Variants in HYCC1 observed in about 807,000 individuals in gnomAD.
The protein encoded by HYCC1 is hyccin.
the HYCC1 span, among the ~76,000 whole-genome samples, chr7:22,912,582 G>GCTC: frequency 2.0e-5 from 3 of 152,204 alleles, no homozygotes; most frequent in Non-Finnish European, 4.4e-5. Flanking sequence ...AAGTTAGCAA[G>GCTC]GAGAGGGAAG....
At chr7:22,908,944 T>C in the HYCC1 span, among the ~76,000 whole-genome samples, 1 of 152,132 alleles carries the variant, frequency 6.6e-6, no homozygotes, top group African/African-American at 2.4e-5. Context: ...CAATAAAAAC[T>C]CTGTGCATTA....
the HYCC1 span, among the ~76,000 whole-genome samples, chr7:22,991,518 G>T: frequency 1.3e-5 from 2 of 152,022 alleles, no homozygotes; most frequent in South Asian, 4.1e-4. Context: ...ATCCAAAATT[G>T]ACTTTATAGA....
the HYCC1 span, among the ~76,000 whole-genome samples, chr7:22,920,800 A>AT: frequency 6.6e-6 from 1 of 152,124 alleles, no homozygotes; most frequent in East Asian, 1.9e-4. Flanking sequence ...GTGATTCTCA[A>AT]TGTTGGAGGT....
the HYCC1 span, among the ~76,000 whole-genome samples, chr7:22,972,720 T>A: frequency 9.4e-4 from 143 of 152,326 alleles, 4 homozygotes; most frequent in East Asian, 0.025. Flanking sequence ...TCAGTTTAGC[T>A]CTTGCTTGCT....
the HYCC1 span, among the ~76,000 whole-genome samples, chr7:22,928,202 A>G: frequency 2.0e-5 from 3 of 152,208 alleles, no homozygotes; most frequent in African/African-American, 7.2e-5. Flanking sequence ...AATAAGAGCT[A>G]TCTATGACAA....
chr7:22,940,117 A>G, the HYCC1 span: 9 of 152,072 alleles, frequency 5.9e-5, no homozygotes, highest in Non-Finnish European at 1.2e-4. Context: ...CCCTTCTAAG[A>G]GTAGTTAAGA....
chr7:22,964,016 A>G, the HYCC1 span, among the ~76,000 whole-genome samples: 3 of 152,138 alleles, frequency 2.0e-5, no homozygotes, highest in African/African-American at 7.2e-5. Context: ...ACTATTTCTA[A>G]TCAAAGAGGC....
chr7:22,942,319 T>C, the HYCC1 span: 1 of 152,306 alleles, frequency 6.6e-6, no homozygotes, highest in South Asian at 2.1e-4. Context: ...ATCATTTAAA[T>C]GCCGAGAATT....
chr7:22,904,586 C>G, the HYCC1 span, among the ~76,000 whole-genome samples: 1 of 151,666 alleles, frequency 6.6e-6, no homozygotes, highest in South Asian at 2.1e-4. Context: ...ATATTTTATA[C>G]AAGTCACCAT....
chr7:22,990,981 A>C, the HYCC1 span: 2 of 946,328 alleles, frequency 2.1e-6, no homozygotes, highest in Non-Finnish European at 3.5e-6. Flanking sequence ...AGTCATATAA[A>C]ATACAAAAAT....
the HYCC1 span, among the ~76,000 whole-genome samples, chr7:22,955,565 CA>C: frequency 3.3e-3 from 506 of 151,644 alleles, 2 homozygotes; most frequent in African/African-American, 0.01. Flanking sequence ...ACTAGTATTA[CA>C]ATAACTATTT....
the HYCC1 span, among the ~76,000 whole-genome samples, chr7:22,984,250 T>C: frequency 6.6e-6 from 1 of 152,142 alleles, no homozygotes; most frequent in Non-Finnish European, 1.5e-5. Context: ...ACACTGTGAA[T>C]ATATCAAAAA....
the HYCC1 span, among the ~76,000 whole-genome samples, chr7:22,950,362 G>A: frequency 6.6e-6 from 1 of 151,614 alleles, no homozygotes; most frequent in Non-Finnish European, 1.5e-5. Context: ...CATGAGGAAG[G>A]AGTTTTTAAA....
At chr7:22,957,845 G>C in the HYCC1 span, among the ~76,000 whole-genome samples, 3 of 137,780 alleles carry the variant, frequency 2.2e-5, no homozygotes, top group East Asian at 5.8e-4. Flanking sequence ...AACATTATGA[G>C]ATAAAAAGGC....
the HYCC1 span, chr7:22,940,517 G>C: frequency 3.9e-5 from 6 of 152,104 alleles, no homozygotes; most frequent in African/African-American, 1.4e-4. Flanking sequence ...CTCCCAAAAG[G>C]CTGGGATTAC....
chr7:22,895,894 G>A, the HYCC1 span, among the ~76,000 whole-genome samples: 4 of 152,226 alleles, frequency 2.6e-5, no homozygotes, highest in African/African-American at 9.6e-5. Context: ...TACACAGACT[G>A]TGGCATCCAG....
At chr7:22,993,193 C>T in the HYCC1 span, among the ~76,000 whole-genome samples, 2 of 152,026 alleles carry the variant, frequency 1.3e-5, no homozygotes, top group Non-Finnish European at 2.9e-5. Context: ...ATGGGGAGGA[C>T]AAAAAGAACC....
chr7:22,945,682 A>C, the HYCC1 span: 5 of 1,613,690 alleles, frequency 3.1e-6, no homozygotes, highest in Non-Finnish European at 4.2e-6. Flanking sequence ...AAACGTAAAT[A>C]AGCTTTTCTT....
chr7:22,972,504 A>C, the HYCC1 span, among the ~76,000 whole-genome samples: 12 of 152,332 alleles, frequency 7.9e-5, no homozygotes, highest in Middle Eastern at 6.8e-3. Flanking sequence ...CTTAATATTT[A>C]TATTCCACAT....
Sources: gnomAD v4.1 joint callset for allele counts (sites outside exome capture counted in the v4.1 genomes callset) on GRCh38, gnomAD v4.1.1 for gene constraint, MANE v1.5 for transcripts, NCBI Gene and HGNC (gene_info 2026-07-23, HGNC 2026-07-21) for gene names.